The following ERG variants were observed in gnomAD, a reference collection of about 807,000 sequenced individuals.
ERG encodes transcriptional regulator ERG.
A neutral mutation model predicts 55.3 loss-of-function variants in ERG; 9 were observed. The ratio of observed to expected loss-of-function variants is 0.16; its 90% CI spans 0.10 to 0.28. The LOEUF is 0.28. Among genes scored for constraint, ERG ranks in the 10% least tolerant of loss-of-function variants. The pLI, the probability that ERG is intolerant of heterozygous loss-of-function variation, is 1.00. For synonymous variants in ERG, 223 were observed against 237.3 expected, an observed-to-expected ratio of 0.94 and a Z score of 0.55; for missense variants, 434 against 631.6, an observed-to-expected ratio of 0.69 and a Z score of 3.35.
At chr21:38,469,493 G>A (rs771858835) in intron 1 of ERG, among the ~76,000 whole-genome samples, 1 of 152,128 alleles carries the variant, frequency 6.6e-6, no homozygotes, top group African/African-American at 2.4e-5. Context: ...TAGAAAAATC[G>A]ATGAGTACAT....
chr21:38,533,763 G>A (rs892733591), intron 2 of ERG, among the ~76,000 whole-genome samples: 8 of 152,322 alleles, frequency 5.3e-5, no homozygotes, highest in African/African-American at 1.4e-4. Flanking sequence ...GTAAACTAAC[G>A]TGGAAAGTTT....
rs747800603 is a variant in ERG at position 38,423,953 on chromosome 21, C to T, written c.237-392G>A. On this transcript the variant is annotated intron_variant, in intron 2 of 9. Coordinates refer to ENST00000288319, the MANE Select transcript of ERG (RefSeq NM_182918.4). ...ATCATGCCACTGCACTCCAGACTGG[C>T]GACAGAGTAAGATTCCATCTCAAAA... is the stretch of plus-strand genomic sequence containing the variant. 3.3e-5 allele frequency among the ~76,000 whole-genome samples: 5 copies of T among 151,644 alleles called. 1 individual carries two copies. Among genetic ancestry groups the T allele is most frequent in the South Asian group, 4.2e-4 (2 of 4,780 alleles).
At chr21:38,403,229 T>C (rs2146455652) in intron 4 of ERG, among the ~76,000 whole-genome samples, 1 of 152,276 alleles carries the variant, frequency 6.6e-6, no homozygotes. Flanking sequence ...CCTTTGACAT[T>C]CCATCTTCTT....
At chr21:38,555,682 A>G (rs912217937) in intron 2 of ERG, among the ~76,000 whole-genome samples, 1 of 152,216 alleles carries the variant, frequency 6.6e-6, no homozygotes, top group African/African-American at 2.4e-5. Flanking sequence ...AAATGGACTA[A>G]GGACATGAAA....
intron 1 of ERG, among the ~76,000 whole-genome samples, chr21:38,468,810 C>T (rs1263980000): frequency 2.6e-5 from 4 of 151,726 alleles, no homozygotes; most frequent in Non-Finnish European, 4.4e-5. Context: ...ACGGTGAAAC[C>T]CTGTCTCCAC....
intron 1 of ERG, among the ~76,000 whole-genome samples, chr21:38,463,628 T>C (rs1264261331): frequency 6.6e-6 from 1 of 152,194 alleles, no homozygotes; most frequent in Non-Finnish European, 1.5e-5. Flanking sequence ...GGCCTGAGCC[T>C]TGAAGAATGG....
Position 38,584,026 on chromosome 21 carries a change from G to C in ERG, c.-127+818C>G, listed in dbSNP as rs2060046698. Among the ~76,000 whole-genome samples, 3 of 152,194 alleles carry C rather than the reference G, an allele frequency of 2.0e-5. No homozygotes were observed. In the South Asian group the frequency reaches 6.2e-4, roughly 32 times the overall value. On this transcript the variant is annotated intron_variant, in intron 1 of 8. Coordinates refer to the ERG transcript ENST00000398897. The stretch of plus-strand genomic sequence containing the variant: ...ACTAATGCAGATTAGAGGCCTCACA[G>C]TCAGGGCATGGCCTCAAGAGCCACA...
chr21:38,629,201 C>T (rs1359129481), intron 1 of ERG, among the ~76,000 whole-genome samples: 1 of 152,172 alleles, frequency 6.6e-6, no homozygotes. Flanking sequence ...ACATAAGCTC[C>T]TCCATCCCTG....
chr21:38,582,057 A>G (rs2060032772), intron 1 of ERG, among the ~76,000 whole-genome samples: 1 of 151,894 alleles, frequency 6.6e-6, no homozygotes, highest in East Asian at 1.9e-4. Flanking sequence ...AAAAAAAAAA[A>G]AAAAAAAAAG....
intron 2 of ERG, among the ~76,000 whole-genome samples, chr21:38,543,147 A>G (rs937550176): frequency 6.6e-6 from 1 of 152,234 alleles, no homozygotes; most frequent in Admixed American, 6.5e-5. Flanking sequence ...CAGAATAAGT[A>G]TACTTCATCT....
intron 1 of ERG, among the ~76,000 whole-genome samples, chr21:38,600,829 A>G (rs1002895481): frequency 2.0e-5 from 3 of 152,164 alleles, no homozygotes; most frequent in African/African-American, 7.2e-5. Flanking sequence ...AGCATCTTCT[A>G]TAAGAGCCAC....
At chr21:38,641,595 T>C (rs897696481) in intron 1 of ERG, among the ~76,000 whole-genome samples, 3 of 152,146 alleles carry the variant, frequency 2.0e-5, no homozygotes, top group Admixed American at 2.0e-4. Flanking sequence ...CATGTTATAA[T>C]ACAAAATAAA....
chr21:38,524,777 G>A (rs1483536492), intron 2 of ERG, among the ~76,000 whole-genome samples: 2 of 152,180 alleles, frequency 1.3e-5, no homozygotes, highest in African/African-American at 2.4e-5. Flanking sequence ...AGGATTTTTA[G>A]AGCCAGAAAC....
chr21:38,404,557 T>C (rs1433337377), intron 3 of ERG, among the ~76,000 whole-genome samples: 1 of 152,002 alleles, frequency 6.6e-6, no homozygotes, highest in Non-Finnish European at 1.5e-5. Context: ...GTCTTCAGAG[T>C]GTGGTAAATG....
intron 1 of ERG, among the ~76,000 whole-genome samples, chr21:38,641,078 G>T (rs557930553): frequency 5.9e-5 from 9 of 152,232 alleles, no homozygotes; most frequent in African/African-American, 1.9e-4. Context: ...CCCAGAAAAG[G>T]CATAAAATCC....
At chr21:38,556,916 G>A (rs1294253820) in intron 2 of ERG, among the ~76,000 whole-genome samples, 1 of 152,122 alleles carries the variant, frequency 6.6e-6, no homozygotes, top group African/African-American at 2.4e-5. Flanking sequence ...ATTAACGCTG[G>A]GGTAGCCCCT....
intron 2 of ERG, among the ~76,000 whole-genome samples, chr21:38,544,843 G>A (rs2059777768): frequency 1.3e-5 from 2 of 151,850 alleles, no homozygotes; most frequent in African/African-American, 4.8e-5. Flanking sequence ...CTCCTTCTTT[G>A]ACTCATCCTA....
At chr21:38,655,364 T>C (rs73446339) in intron 1 of ERG, among the ~76,000 whole-genome samples, 13,765 of 152,152 alleles carry the variant, frequency 0.09, 1,592 homozygotes, top group African/African-American at 0.27. Flanking sequence ...GTATCCCGTG[T>C]TTCTGAAATT....
At chr21:38,395,285 GC>G in intron 6 of ERG, 1 of 228,470 alleles carries the variant, frequency 4.4e-6, no homozygotes, top group African/African-American at 2.2e-5. Context: ...ATGGGGGACA[GC>G]CAGGGGTGAC....
Sources: allele counts gnomAD v4.1 joint callset (sites outside exome capture counted in the v4.1 genomes callset), GRCh38; gene constraint gnomAD v4.1.1; transcripts MANE v1.5; gene names NCBI Gene and HGNC (gene_info 2026-07-23, HGNC 2026-07-21).